BSCL2: variants seen among roughly 807,000 people sequenced by gnomAD.
BSCL2 encodes the protein seipin.
Under a neutral mutation model 57.4 loss-of-function variants are expected in BSCL2, and 41 were observed. The observed-to-expected ratio is 0.71, with a 90% CI of 0.56 to 0.93. The LOEUF is 0.93. Ranked by LOEUF, BSCL2 falls within the 40% of genes least tolerant of loss-of-function variation. BSCL2 has a pLI of 0.00. For synonymous variants in BSCL2, 237 were observed against 227.3 expected (o/e 1.04, Z -0.38); for missense variants, 539 against 586.7 (o/e 0.92, Z 0.84).
rs994733865 is a variant in BSCL2 at position 62,703,172 on chromosome 11, C to T, written c.405-623G>A. Among the ~76,000 whole-genome samples, 6 of 150,648 alleles carry T rather than the reference C, an allele frequency of 4.0e-5. No homozygotes were observed. In the South Asian group the frequency reaches 1.3e-3, roughly 31 times the overall value. ...TCTCAAAAAAAAAAAAAAGGAAATT[C>T]CAGGGTCCCACCCCAAGAGATTCTG... On this transcript the variant is annotated intron_variant, in intron 2 of 10. Transcript: ENST00000360796.
chr11:62,708,456 A>G (rs967262129), upstream of BSCL2: 1 of 1,330,816 alleles, frequency 7.5e-7, no homozygotes, highest in Non-Finnish European at 1.1e-6. Flanking sequence ...GCAGGTTCCC[A>G]AAGCTCAAGA....
At position 62,691,082 on chromosome 11, in the gene BSCL2, A is replaced by G; in HGVS notation, c.1065T>C (p.His355=). 2 of 1,614,236 alleles carry G rather than the reference A, an allele frequency of 1.2e-6. No individual in the cohort carries two copies. Among genetic ancestry groups the G allele is most frequent in the Non-Finnish European group, 1.7e-6 (2 of 1,180,044 alleles). ...RKEVQRRISA[H]QPGPEGQEES... is the part of the protein sequence containing the mutation. ...CCCAGCCAACACCTTTACCTGGCTGATGAGCAGAGATCCTTCGTTGGACTT... is the reference window on the plus strand; with the variant it reads ...CCCAGCCAACACCTTTACCTGGCTGGTGAGCAGAGATCCTTCGTTGGACTT... The change falls in exon 8 of 11, where the codon CAT becomes CAC. Residue 355 remains histidine (H), a synonymous_variant. Transcript: ENST00000360796.
intron 3 of BSCL2, among the ~76,000 whole-genome samples, chr11:62,700,584 C>T (rs767982292): frequency 6.6e-6 from 1 of 152,116 alleles, no homozygotes; most frequent in Non-Finnish European, 1.5e-5. Context: ...GAGGTTGCAG[C>T]GAGCCAAGAT....
chr11:62,707,555 T>A (rs1279258209), upstream of BSCL2: 6 of 593,192 alleles, frequency 1.0e-5, no homozygotes, highest in African/African-American at 1.1e-4. Flanking sequence ...AGAGTCAGGA[T>A]GCCTGCAATG....
upstream of BSCL2, chr11:62,708,828 ACTC>A: frequency 1.9e-6 from 3 of 1,586,418 alleles, no homozygotes; most frequent in Non-Finnish European, 2.6e-6. Context: ...CCTTCTCACA[ACTC>A]CTCCCTTTTC....
At chr11:62,695,507 G>C (rs573158121) in intron 3 of BSCL2, among the ~76,000 whole-genome samples, 54 of 141,696 alleles carry the variant, frequency 3.8e-4, no homozygotes, top group African/African-American at 8.6e-4. Flanking sequence ...TCAGGAGTTC[G>C]AGACCAGCCT....
upstream of BSCL2, chr11:62,708,505 G>GAGT: frequency 8.3e-7 from 1 of 1,207,030 alleles, no homozygotes; most frequent in Non-Finnish European, 1.2e-6. Flanking sequence ...TGAGGTCAGG[G>GAGT]GAGGAGTCTG....
chr11:62,703,347 GTTTT>G (rs541712297), intron 2 of BSCL2, among the ~76,000 whole-genome samples: 9 of 68,800 alleles, frequency 1.3e-4, no homozygotes, highest in African/African-American at 3.7e-4. Flanking sequence ...ATGCATATAC[GTTTT>G]TTTTTTTTTT....
rs761790583 is a variant in BSCL2 at position 62,707,142 on chromosome 11, G to T, written c.54C>A (p.Cys18Ter). The T allele has an allele frequency of 4.2e-5, 65 of 1,554,312 alleles. No homozygotes were observed. The highest frequency in any genetic ancestry group is 3.1e-5 in the Non-Finnish European group (36 of 1,147,864). The change falls in exon 1 of 11, where the codon TGC becomes TGA. Residue 18 changes from cysteine to a stop codon, truncating the protein, a stop_gained. Coordinates refer to ENST00000360796, the MANE Select transcript of BSCL2 (RefSeq NM_001122955.4). LOFTEE classifies it high-confidence loss of function. ...TGTCCGGTCCTTTGATCTGGTCTCC[G>T]CACACCTCTTTTTCCCCAGCTTCCT... ...QKEEAGEKEV[C>*]GDQIKGPDKE... is the part of the protein sequence containing the mutation.
chr11:62,703,127 G>A (rs1310279381), intron 2 of BSCL2, among the ~76,000 whole-genome samples: 1 of 147,728 alleles, frequency 6.8e-6, no homozygotes, highest in Non-Finnish European at 1.5e-5. Context: ...TCCAGCCTGG[G>A]CAACAAGGGT....
At chr11:62,703,353 T>G (rs1196366567) in intron 2 of BSCL2, among the ~76,000 whole-genome samples, 1 of 141,412 alleles carries the variant, frequency 7.1e-6, no homozygotes, top group Non-Finnish European at 1.6e-5. Context: ...ATACGTTTTT[T>G]TTTTTTTTTT....
At chr11:62,695,711 CAAAAAAAAAAAAAAA>C (rs398016310) in intron 3 of BSCL2, among the ~76,000 whole-genome samples, 1 of 66,452 alleles carries the variant, frequency 1.5e-5, no homozygotes, top group South Asian at 5.4e-4. Flanking sequence ...AACTCTGTCT[CAAAAAAAAAAAAAAA>C]AAAAAAAAAA....
At position 62,692,414 on chromosome 11, in the gene BSCL2, T is replaced by A; in HGVS notation, c.825A>T (p.Gly275=). 6.2e-7 allele frequency: 1 copy of A among 1,614,114 alleles called. No individual in the cohort carries two copies. The part of the protein sequence containing the change: ...EIHSKRIQLY[G]AYLRIHAHFT... Reference sequence around the variant, plus strand: ...AGTGCGCGTGGATGCGGAGGTAGGCTCCATACAGCTGGATGCGCTTGCTGT... The same window carrying A: ...AGTGCGCGTGGATGCGGAGGTAGGCACCATACAGCTGGATGCGCTTGCTGT... Residue 275 remains glycine (G), a synonymous_variant, in exon 6 of 11, where the codon GGA becomes GGT. Transcript: ENST00000360796.
At chr11:62,690,889 G>A in intron 8 of BSCL2, 22 bp from the exon 9 acceptor site, 1 of 1,612,448 alleles carries the variant, frequency 6.2e-7, no homozygotes. Context: ...AAGAGGGAGA[G>A]GACAGGTTAG....
In BSCL2 at chr11:62,690,705, G is replaced by A. The variant is rs1479752907; in HGVS notation, c.1154-13C>T. 1 of 1,613,686 alleles carries A rather than the reference G, an allele frequency of 6.2e-7. No individual in the cohort carries two copies. The highest frequency in any genetic ancestry group is 1.3e-5 in the African/African-American group (1 of 74,942). ...GACAGCTGACCCTCTGCAGCCAAAA[G>A]GGGAATGCAGGGGTCAGACCCAGAC... On this transcript the variant is annotated splice_polypyrimidine_tract_variant and intron_variant, in intron 9 of 10. Coordinates refer to ENST00000360796, the MANE Select transcript of BSCL2 (RefSeq NM_001122955.4).
intron 4 of BSCL2, among the ~76,000 whole-genome samples, chr11:62,693,971 T>C (rs1174221641): frequency 6.6e-6 from 1 of 151,964 alleles, no homozygotes; most frequent in Non-Finnish European, 1.5e-5. Context: ...TGCACCACCA[T>C]GCCCAGCTAA....
At chr11:62,709,185 AG>A (rs2083591965), upstream of BSCL2, 1 of 458,884 alleles carries the variant, frequency 2.2e-6, no homozygotes, top group African/African-American at 2.0e-5. Context: ...TGAAGAATAA[AG>A]TCATCCAGAG....
intron 4 of BSCL2, 48 bp downstream of exon 4, chr11:62,694,520 T>C: frequency 6.2e-7 from 1 of 1,613,330 alleles, no homozygotes; most frequent in South Asian, 1.1e-5. Context: ...CCCATTCTGA[T>C]CCTGCCATCT....
In BSCL2 at chr11:62,705,299, A is replaced by C; in HGVS notation, c.404+2T>G. The stretch of plus-strand genomic sequence containing the variant: ...TCTATTTTGATAGAAGGCCCCTCTC[A>C]CCTGTAGTAGAAATGCACAGGGCTG... On this transcript the variant is annotated splice_donor_variant, in intron 2 of 10. Coordinates refer to ENST00000360796, the MANE Select transcript of BSCL2 (RefSeq NM_001122955.4). LOFTEE classifies it high-confidence loss of function. 2 of 1,608,014 alleles carry C rather than the reference A, an allele frequency of 1.2e-6. No homozygotes were observed. The highest frequency in any genetic ancestry group is 8.5e-7 in the Non-Finnish European group (1 of 1,176,948).
Sources: gnomAD v4.1 joint callset for allele counts (sites outside exome capture counted in the v4.1 genomes callset) on GRCh38, gnomAD v4.1.1 for gene constraint, MANE v1.5 for transcripts, NCBI Gene and HGNC (gene_info 2026-07-23, HGNC 2026-07-21) for gene names.